The following SEC24A variants were observed in gnomAD, a reference collection of about 807,000 sequenced individuals.
The protein encoded by SEC24A is protein transport protein Sec24A.
SEC24A carries 93 observed loss-of-function variants against 129.4 expected under a neutral mutation model. The observed-to-expected ratio is 0.72, with a 90% CI of 0.61 to 0.85. The LOEUF (loss-of-function observed/expected upper bound fraction) is 0.85, where lower values mean the gene tolerates loss of function less well. SEC24A is among the 40% of genes least tolerant of loss of function. SEC24A has a pLI of 0.00. For missense variants in SEC24A, 1,264 were observed against 1,307.4 expected, an observed-to-expected ratio of 0.97 and a Z score of 0.51; for synonymous variants, 460 against 467.3, an observed-to-expected ratio of 0.98 and a Z score of 0.20.
Position 134,697,215 on chromosome 5 carries a change from C to T in SEC24A, c.2076C>T (p.Leu692=). ...GQQVAVDLFL[L]SGQYSDLASL... ...AAGTTGCTGTTGACTTATTCCTTCT[C>T]AGTGGACAGTATTCTGATTTGGCTT... The change falls in exon 14 of 23, where the codon CTC becomes CTT. Residue 692 remains leucine (L), a synonymous_variant. Coordinates refer to ENST00000398844, the MANE Select transcript of SEC24A (RefSeq NM_021982.3). The T allele has an allele frequency of 1.2e-6, 2 of 1,604,222 alleles. No individual in the cohort carries two copies. The highest frequency in any genetic ancestry group is 2.2e-5 in the East Asian group (1 of 44,746).
rs766877569 is a variant in SEC24A at position 134,708,748 on chromosome 5, G to A, written c.2587G>A (p.Ala863Thr). The change falls in exon 18 of 23, where the codon GCT (alanine) becomes ACT (threonine). Residue 863 changes from alanine (A) to threonine (T), a missense_variant. By Grantham distance (58) the Ala-to-Thr change is moderately conservative. Coordinates refer to ENST00000398844, the MANE Select transcript of SEC24A (RefSeq NM_021982.3). ...DRSMTASLSD[A>T]RDALVNAVID... ...ATCTATGACTGCCAGTCTGAGTGAC[G>A]CTCGGGATGCTCTAGTGAATGCAGT... 10 of 1,613,820 alleles carry A rather than the reference G, an allele frequency of 6.2e-6. No homozygotes were observed. In the East Asian group the frequency reaches 6.7e-5, roughly 11 times the overall value.
At chr5:134,657,126 G>T (rs546068432) in intron 1 of SEC24A, among the ~76,000 whole-genome samples, 176 of 151,580 alleles carry the variant, frequency 1.2e-3, no homozygotes, top group Non-Finnish European at 2.1e-3. Flanking sequence ...TCGAGGCTGC[G>T]GTGAGCTGTG....
chr5:134,698,094 A>G, intron 15 of SEC24A, 37 bp downstream of exon 15: 1 of 1,547,070 alleles, frequency 6.5e-7, no homozygotes, highest in Non-Finnish European at 8.8e-7. Context: ...ACTGAATAAT[A>G]TTTTTGGTTT....
intron 21 of SEC24A, among the ~76,000 whole-genome samples, chr5:134,721,296 C>T (rs1313195672): frequency 1.3e-5 from 2 of 151,876 alleles, no homozygotes; most frequent in African/African-American, 4.8e-5. Flanking sequence ...CCAGCCACAG[C>T]GGCTCACACT....
intron 13 of SEC24A, among the ~76,000 whole-genome samples, chr5:134,694,773 C>T (rs1205558029): frequency 1.3e-5 from 2 of 149,442 alleles, no homozygotes; most frequent in Non-Finnish European, 3.0e-5. Flanking sequence ...GAGCCAAGAT[C>T]GCACCATTGC....
chr5:134,724,289 T>C (rs1159275633), intron 22 of SEC24A, among the ~76,000 whole-genome samples: 1 of 152,170 alleles, frequency 6.6e-6, no homozygotes, highest in Non-Finnish European at 1.5e-5. Context: ...GAATTTCCTG[T>C]TTTTTAAAGG....
chr5:134,714,884 A>T, intron 18 of SEC24A, 140 bp from the exon 19 acceptor site: 2 of 863,558 alleles, frequency 2.3e-6, no homozygotes, highest in South Asian at 1.8e-5. Context: ...GTGACTTCTT[A>T]AAAAAGATAC....
intron 16 of SEC24A, among the ~76,000 whole-genome samples, chr5:134,704,219 G>A (rs1228045844): frequency 1.3e-5 from 2 of 152,004 alleles, no homozygotes; most frequent in Non-Finnish European, 2.9e-5. Flanking sequence ...ACAGGTGTGC[G>A]CCACCACATC....
chr5:134,711,563 CTTTT>C (rs11306983), intron 18 of SEC24A, among the ~76,000 whole-genome samples: 4 of 125,384 alleles, frequency 3.2e-5, no homozygotes, highest in Admixed American at 8.6e-5. Context: ...TGCTCTGCAT[CTTTT>C]TTTTTTTTTT....
chr5:134,710,513 G>A (rs925287569), intron 18 of SEC24A, among the ~76,000 whole-genome samples: 2 of 152,058 alleles, frequency 1.3e-5, no homozygotes, highest in South Asian at 2.1e-4. Flanking sequence ...GATTACAGCC[G>A]TGAGCCACCA....
At chr5:134,685,977 A>T (rs984988383) in intron 9 of SEC24A, among the ~76,000 whole-genome samples, 7 of 151,892 alleles carry the variant, frequency 4.6e-5, no homozygotes, top group Admixed American at 1.3e-4. Flanking sequence ...GGACACAGCG[A>T]GACTCCATCT....
chr5:134,697,052 T>A (rs918426247), intron 13 of SEC24A, 74 bp from the exon 14 acceptor site: 1 of 829,720 alleles, frequency 1.2e-6, no homozygotes, highest in African/African-American at 1.7e-5. Flanking sequence ...TCATGATGTA[T>A]GTAGATGTGT....
intron 8 of SEC24A, 26 bp downstream of exon 8, chr5:134,679,754 T>G (rs1561813675): frequency 3.9e-6 from 6 of 1,534,600 alleles, no homozygotes; most frequent in Non-Finnish European, 5.3e-6. Flanking sequence ...TTGAAACATT[T>G]AAACGTTTCT....
chr5:134,710,742 A>T (rs904577335), intron 18 of SEC24A, among the ~76,000 whole-genome samples: 1 of 152,176 alleles, frequency 6.6e-6, no homozygotes, highest in Non-Finnish European at 1.5e-5. Context: ...AAAAGAAGGA[A>T]AACTCTGGTC....
At chr5:134,715,214 A>C in intron 19 of SEC24A, 53 bp downstream of exon 19, 1 of 1,412,446 alleles carries the variant, frequency 7.1e-7, no homozygotes. Context: ...AAGCCTAATC[A>C]TAGTCCAGTA....
intron 9 of SEC24A, among the ~76,000 whole-genome samples, chr5:134,682,853 C>T (rs767690226): frequency 1.3e-5 from 2 of 152,088 alleles, no homozygotes; most frequent in Non-Finnish European, 2.9e-5. Context: ...AGGTGTGAGC[C>T]GCTGTGCCCA....
At chr5:134,679,314 T>C (rs1751179826) in intron 7 of SEC24A, among the ~76,000 whole-genome samples, 1 of 152,030 alleles carries the variant, frequency 6.6e-6, no homozygotes, top group African/African-American at 2.4e-5. Context: ...CCGCCTTGGC[T>C]CCCAAAGTGC....
In SEC24A at chr5:134,699,155, C is replaced by T. The variant is rs78476338; in HGVS notation, c.2266+1098C>T. Among the ~76,000 whole-genome samples, 843 of 152,056 alleles carry T rather than the reference C, an allele frequency of 5.5e-3. 3 individuals are homozygous for T. The highest frequency in any genetic ancestry group is 0.027 in the Middle Eastern group (8 of 292). On this transcript the variant is annotated intron_variant, in intron 15 of 22. Coordinates refer to ENST00000398844, the MANE Select transcript of SEC24A (RefSeq NM_021982.3). ...ATGTTGCCCAGGCTGGTTGCAAGCTCGTGGGCTCACGTGATCTTCCTGCCT... is the reference window on the plus strand; with the variant it reads ...ATGTTGCCCAGGCTGGTTGCAAGCTTGTGGGCTCACGTGATCTTCCTGCCT...
chr5:134,698,066 A>ATT lies in SEC24A; in HGVS notation c.2266+18_2266+19dup. ...GATTCGGTGCACCAAAGGTAGGAAT[A>ATT]TTTTTTTTTTGCGTAGGACTGAATA... On this transcript the variant is annotated intron_variant, in intron 15 of 22. Transcript: ENST00000398844. 1.0e-5 allele frequency: 13 copies of ATT among 1,263,126 alleles called. No individual in the cohort carries two copies. The highest frequency in any genetic ancestry group is 5.5e-5 in the East Asian group (2 of 36,080). 78.2% of individuals were successfully genotyped at this position (1,263,126 alleles called of 1,614,324 possible).
Sources: gnomAD v4.1 joint callset for allele counts (sites outside exome capture counted in the v4.1 genomes callset) on GRCh38, gnomAD v4.1.1 for gene constraint, MANE v1.5 for transcripts, NCBI Gene and HGNC (gene_info 2026-07-23, HGNC 2026-07-21) for gene names.